The following MRAS variants were observed in gnomAD, a reference collection of about 807,000 sequenced individuals.
MRAS encodes the protein muscle RAS oncogene homolog.
In MRAS, 4 loss-of-function variants were observed where a neutral mutation model predicts 20.9. That is an observed-to-expected ratio of 0.19 (90% CI 0.09 to 0.44). MRAS has a LOEUF of 0.44. Among genes scored for constraint, MRAS ranks in the 20% least tolerant of loss-of-function variants. MRAS has a pLI of 0.99. For synonymous variants in MRAS, 98 were observed against 102.9 expected (o/e 0.95, Z 0.29); for missense variants, 154 against 277.5 (o/e 0.56, Z 3.16).
intron 2 of MRAS, among the ~76,000 whole-genome samples, chr3:138,380,400 C>T (rs1013020840): frequency 2.6e-5 from 4 of 152,144 alleles, no homozygotes; most frequent in African/African-American, 9.7e-5. Context: ...GCAACCTCCG[C>T]TTTCTGAGTT....
intron 3 of MRAS, among the ~76,000 whole-genome samples, chr3:138,398,215 G>A (rs911157033): frequency 6.6e-6 from 1 of 152,206 alleles, no homozygotes; most frequent in Non-Finnish European, 1.5e-5. Context: ...CCCCTGGCCA[G>A]CAGCCCCTCA....
intron 2 of MRAS, among the ~76,000 whole-genome samples, chr3:138,385,457 A>T (rs1389856499): frequency 2.7e-5 from 4 of 149,730 alleles, no homozygotes; most frequent in East Asian, 2.0e-4. Context: ...TTATTTGTAA[A>T]TTTTTTTGTT....
At position 138,392,145 on chromosome 3, in the gene MRAS, A is replaced by C. The variant is rs1290018744; in HGVS notation, c.194-5179A>C. ...GAGTAAGACTCCATCTCAAAAAAAC[A>C]AAAAAATAAAAAAATGCTTGTTCAC... On this transcript the variant is annotated intron_variant, in intron 2 of 5. Coordinates refer to ENST00000423968, the MANE Select transcript of MRAS (RefSeq NM_001085049.3). 2.0e-5 allele frequency among the ~76,000 whole-genome samples: 3 copies of C among 152,196 alleles called. No homozygotes were observed. In the East Asian group the frequency reaches 5.8e-4, roughly 29 times the overall value.
intron 1 of MRAS, among the ~76,000 whole-genome samples, chr3:138,369,281 C>G (rs2054625719): frequency 6.6e-6 from 1 of 152,218 alleles, no homozygotes; most frequent in South Asian, 2.1e-4. Flanking sequence ...ACAGTAAACA[C>G]TTAGAAAATT....
intron 1 of MRAS, among the ~76,000 whole-genome samples, chr3:138,351,855 T>C (rs2054234239): frequency 6.6e-6 from 1 of 152,170 alleles, no homozygotes; most frequent in African/African-American, 2.4e-5. Context: ...CCAGGGAACG[T>C]TGATGTACAA....
chr3:138,384,771 G>C (rs1353923556), intron 2 of MRAS, among the ~76,000 whole-genome samples: 1 of 152,146 alleles, frequency 6.6e-6, no homozygotes, highest in African/African-American at 2.4e-5. Context: ...AGAGGCTGGG[G>C]AGAAGAGGAG....
At chr3:138,371,765 G>T (rs1333644521) in intron 1 of MRAS, among the ~76,000 whole-genome samples, 1 of 152,114 alleles carries the variant, frequency 6.6e-6, no homozygotes, top group Admixed American at 6.5e-5. Context: ...TTCTTTAGGG[G>T]ATCCCCCTAG....
chr3:138,396,705 C>T (rs368365622), intron 2 of MRAS, among the ~76,000 whole-genome samples: 2 of 152,098 alleles, frequency 1.3e-5, no homozygotes, highest in South Asian at 2.1e-4. Context: ...CTTCCAGCCC[C>T]AGCCTAGGAG....
intron 1 of MRAS, among the ~76,000 whole-genome samples, chr3:138,369,730 A>G (rs1452148043): frequency 6.6e-6 from 1 of 152,032 alleles, no homozygotes; most frequent in East Asian, 1.9e-4. Flanking sequence ...TGAGGGTTCA[A>G]CCTCTGAGAG....
chr3:138,378,672 C>A (rs2054835530), intron 2 of MRAS, among the ~76,000 whole-genome samples: 1 of 152,194 alleles, frequency 6.6e-6, no homozygotes, highest in African/African-American at 2.4e-5. Flanking sequence ...AATCAGGAAG[C>A]CCCAAACCTT....
At chr3:138,362,452 ATTCCCATCCCCT>A (rs2054469262) in intron 1 of MRAS, among the ~76,000 whole-genome samples, 3 of 151,952 alleles carry the variant, frequency 2.0e-5, no homozygotes, top group Admixed American at 2.0e-4. Flanking sequence ...CCGTGACCCT[ATTCCCATCCCCT>A]TTCCCATCCC....
At chr3:138,388,405 T>C (rs2055061179) in intron 2 of MRAS, among the ~76,000 whole-genome samples, 1 of 152,182 alleles carries the variant, frequency 6.6e-6, no homozygotes, top group African/African-American at 2.4e-5. Context: ...ACATAAAACA[T>C]TCTAGGCATG....
At chr3:138,370,060 CT>C (rs1381622405) in intron 1 of MRAS, among the ~76,000 whole-genome samples, 1 of 152,194 alleles carries the variant, frequency 6.6e-6, no homozygotes, top group Non-Finnish European at 1.5e-5. Flanking sequence ...TGGCTCATGC[CT>C]GTAATCCCAG....
intron 5 of MRAS, among the ~76,000 whole-genome samples, chr3:138,401,922 A>G (rs140575481): frequency 2.9e-4 from 44 of 152,322 alleles, no homozygotes; most frequent in Middle Eastern, 3.4e-3. Flanking sequence ...TCCCATCAGT[A>G]GGGCGATTTA....
chr3:138,375,254 A>C (rs1333947153), intron 2 of MRAS, among the ~76,000 whole-genome samples: 1 of 152,138 alleles, frequency 6.6e-6, no homozygotes, highest in African/African-American at 2.4e-5. Flanking sequence ...ATGATGTATT[A>C]TCCTTTAATA....
In MRAS at chr3:138,400,424, G is replaced by A. The variant is rs929567341; in HGVS notation, c.448-110G>A. On this transcript the variant is annotated intron_variant, in intron 4 of 5. Coordinates refer to ENST00000423968, the MANE Select transcript of MRAS (RefSeq NM_001085049.3). ...CTATTGGGGGCTGGGGCTTCTGTGG[G>A]GGGTTTTGAAAGCACCTGGGTTCCT... The A allele has an allele frequency of 6.7e-6, 6 of 897,740 alleles. No homozygotes were observed. In the Admixed American group the frequency reaches 9.5e-5, roughly 14 times the overall value. 55.6% of individuals were successfully genotyped at this position (897,740 alleles called of 1,614,324 possible). A position where few individuals can be genotyped will look rare whatever the true frequency, so the allele number is the denominator to read the frequency against.
chr3:138,371,992 C>T (rs187165655), intron 1 of MRAS, among the ~76,000 whole-genome samples: 89 of 152,254 alleles, frequency 5.8e-4, no homozygotes, highest in Non-Finnish European at 3.8e-4. Context: ...GTCCCACTTC[C>T]AGCTGCCTCC....
At chr3:138,394,726 G>A (rs573245379) in intron 2 of MRAS, among the ~76,000 whole-genome samples, 1 of 152,264 alleles carries the variant, frequency 6.6e-6, no homozygotes, top group South Asian at 2.1e-4. Flanking sequence ...CAGCATCTGG[G>A]ATCACTATTC....
At position 138,348,644 on chromosome 3, in the gene MRAS, G is replaced by T. The variant is rs935029508; in HGVS notation, c.-142G>T. 1 of 151,678 alleles carries T rather than the reference G, an allele frequency of 6.6e-6. No individual in the cohort carries two copies. The highest frequency in any genetic ancestry group is 2.4e-5 in the African/African-American group (1 of 41,378). The allele number at this position is 151,678 out of a possible 1,614,324, so 9.4% of individuals were successfully genotyped here. ...GGGGCGGGGACGGACCGGAGTGGCC[G>T]GCTGGCGGGGAGCCGTCAGTCCGGC... On this transcript the variant is annotated 5_prime_UTR_variant, in exon 1 of 6. Transcript: ENST00000423968.
Sources: allele counts gnomAD v4.1 joint callset (sites outside exome capture counted in the v4.1 genomes callset), GRCh38; gene constraint gnomAD v4.1.1; transcripts MANE v1.5; gene names NCBI Gene and HGNC (gene_info 2026-07-23, HGNC 2026-07-21).